Variants in PLA2G2C observed in about 807,000 individuals in gnomAD.
PLA2G2C encodes the protein putative inactive group IIC secretory phospholipase A2.
In PLA2G2C, 15 loss-of-function variants were observed where a neutral mutation model predicts 14.3. The ratio of observed to expected loss-of-function variants is 1.05; its 90% CI spans 0.70 to 1.62. The LOEUF is 1.62. Ranked by LOEUF, PLA2G2C falls within the 40% of genes most tolerant of loss-of-function variation. The pLI, the probability that PLA2G2C is intolerant of heterozygous loss-of-function variation, is 0.00. For synonymous variants in PLA2G2C, 79 were observed against 67.7 expected, an observed-to-expected ratio of 1.17 and a Z score of -0.82; for missense variants, 162 against 173.2, an observed-to-expected ratio of 0.94 and a Z score of 0.36.
intron 2 of PLA2G2C, 97 bp downstream of exon 2, chr1:20,177,227 A>T: frequency 1.4e-6 from 1 of 697,886 alleles, no homozygotes; most frequent in Non-Finnish European, 2.6e-6. Flanking sequence ...GGGACTTGTG[A>T]CTTCCCTCAC....
At chr1:20,181,659 A>T (rs894123782) in intron 1 of PLA2G2C, among the ~76,000 whole-genome samples, 1 of 152,126 alleles carries the variant, frequency 6.6e-6, no homozygotes, top group Non-Finnish European at 1.5e-5. Context: ...GCTCAGCTTC[A>T]TTTCTCAGGC....
chr1:20,181,875 G>A (rs2018284133), intron 1 of PLA2G2C, among the ~76,000 whole-genome samples: 1 of 152,182 alleles, frequency 6.6e-6, no homozygotes, highest in African/African-American at 2.4e-5. Context: ...GCAAGAGACT[G>A]CAAGGGTGGA....
At chr1:20,172,758 G>T in intron 4 of PLA2G2C, 36 bp downstream of exon 4, 1 of 1,556,334 alleles carries the variant, frequency 6.4e-7, no homozygotes, top group Non-Finnish European at 8.8e-7. Flanking sequence ...AAAGGCCCAG[G>T]TTAAAAGACA....
At chr1:20,165,032 T>G (rs1186276746) in intron 4 of PLA2G2C, among the ~76,000 whole-genome samples, 1 of 152,230 alleles carries the variant, frequency 6.6e-6, no homozygotes, top group Non-Finnish European at 1.5e-5. Context: ...AAAGACATGC[T>G]GAATCCTTCC....
chr1:20,164,504 C>T (rs1389522085), intron 4 of PLA2G2C, among the ~76,000 whole-genome samples: 2 of 152,174 alleles, frequency 1.3e-5, no homozygotes, highest in Non-Finnish European at 2.9e-5. Flanking sequence ...GGGCATCCCA[C>T]GAGTGCTGGA....
Position 20,171,157 on chromosome 1 carries a change from T to G in PLA2G2C, c.283+1637A>C, listed in dbSNP as rs1043467860. Among the ~76,000 whole-genome samples, 3 of 143,836 alleles carry G rather than the reference T, an allele frequency of 2.1e-5. 1 individual carries two copies. Among genetic ancestry groups the G allele is most frequent in the Non-Finnish European group, 4.6e-5 (3 of 65,552 alleles). 94.4% of individuals were successfully genotyped at this position (143,836 alleles called of 152,430 possible). On this transcript the variant is annotated intron_variant, in intron 4 of 4. Coordinates refer to ENST00000679259, the MANE Select transcript of PLA2G2C (RefSeq NM_001367969.2). Reference sequence around the variant, plus strand: ...CAGGTGGGAAGAGGCCATGGGAAACTCGATCCCTGGAGGCCACCTTCTCCA... The same window carrying G: ...CAGGTGGGAAGAGGCCATGGGAAACGCGATCCCTGGAGGCCACCTTCTCCA...
At chr1:20,165,649 T>C (rs1295596419) in intron 4 of PLA2G2C, among the ~76,000 whole-genome samples, 2 of 152,008 alleles carry the variant, frequency 1.3e-5, no homozygotes, top group Admixed American at 6.5e-5. Context: ...ATCAGAGCTG[T>C]CGCACTGTGT....
chr1:20,165,169 G>T, intron 4 of PLA2G2C, among the ~76,000 whole-genome samples: 1 of 152,170 alleles, frequency 6.6e-6, no homozygotes. Flanking sequence ...CATGTCACAG[G>T]TCTTGCTCTG....
chr1:20,174,282 T>C (rs964050858), intron 3 of PLA2G2C, among the ~76,000 whole-genome samples: 5 of 152,224 alleles, frequency 3.3e-5, no homozygotes, highest in Non-Finnish European at 5.9e-5. Flanking sequence ...TTTTGCTTTC[T>C]TATGTCTTCA....
intron 2 of PLA2G2C, among the ~76,000 whole-genome samples, chr1:20,176,043 G>A (rs2018177775): frequency 6.6e-6 from 1 of 151,892 alleles, no homozygotes; most frequent in Non-Finnish European, 1.5e-5. Context: ...CTGAGTAGCT[G>A]GGATTACAGG....
chr1:20,177,633 T>G (rs2018209459), intron 1 of PLA2G2C, among the ~76,000 whole-genome samples, 194 bp from the exon 2 acceptor site: 1 of 151,994 alleles, frequency 6.6e-6, no homozygotes, highest in African/African-American at 2.4e-5. Flanking sequence ...GTTTTGAAAG[T>G]GCAAATGTTG....
At chr1:20,179,469 CT>C (rs1199408565) in intron 1 of PLA2G2C, among the ~76,000 whole-genome samples, 22 of 149,906 alleles carry the variant, frequency 1.5e-4, no homozygotes, top group African/African-American at 5.4e-4. Context: ...CAGCTTCTCC[CT>C]TGCATGTCAG....
At chr1:20,184,551 C>G (rs1462038641) in intron 1 of PLA2G2C, 1 of 152,344 alleles carries the variant, frequency 6.6e-6, no homozygotes, top group Non-Finnish European at 1.5e-5. Context: ...GGGTCACAGA[C>G]TTCCCTTCTG....
At chr1:20,166,776 G>C (rs1414517432) in intron 4 of PLA2G2C, among the ~76,000 whole-genome samples, 2 of 152,038 alleles carry the variant, frequency 1.3e-5, no homozygotes, top group African/African-American at 4.8e-5. Context: ...GCGTGCATCT[G>C]ACATCCAGTT....
chr1:20,182,906 C>T (rs911151735), intron 1 of PLA2G2C, among the ~76,000 whole-genome samples: 1 of 152,206 alleles, frequency 6.6e-6, no homozygotes, highest in Non-Finnish European at 1.5e-5. Flanking sequence ...GTCATTTGGA[C>T]CCCAAGCCAA....
intron 1 of PLA2G2C, among the ~76,000 whole-genome samples, chr1:20,180,152 C>T (rs1217843430): frequency 6.6e-6 from 1 of 152,188 alleles, no homozygotes; most frequent in African/African-American, 2.4e-5. Flanking sequence ...TTCTCCCTCT[C>T]CCCATTCTTC....
chr1:20,180,641 A>G (rs2018264836), intron 1 of PLA2G2C, among the ~76,000 whole-genome samples: 1 of 152,128 alleles, frequency 6.6e-6, no homozygotes, highest in Admixed American at 6.5e-5. Context: ...GTTTGAGGGC[A>G]TTTTCATGCA....
chr1:20,172,635 T>G (rs1000099080), intron 4 of PLA2G2C, among the ~76,000 whole-genome samples, 159 bp downstream of exon 4: 3 of 152,070 alleles, frequency 2.0e-5, no homozygotes, highest in Non-Finnish European at 4.4e-5. Context: ...GCACGGACAC[T>G]CTGAGAAGCT....
At chr1:20,169,270 T>C (rs1438236698) in intron 4 of PLA2G2C, among the ~76,000 whole-genome samples, 1 of 152,204 alleles carries the variant, frequency 6.6e-6, no homozygotes, top group Non-Finnish European at 1.5e-5. Context: ...CCTCATCTCC[T>C]GGGCTCAGGT....
Sources: allele counts gnomAD v4.1 joint callset (sites outside exome capture counted in the v4.1 genomes callset), GRCh38; gene constraint gnomAD v4.1.1; transcripts MANE v1.5; gene names NCBI Gene and HGNC (gene_info 2026-07-23, HGNC 2026-07-21).